The following SLC35F1 variants were observed in gnomAD, a reference collection of about 807,000 sequenced individuals.
The protein encoded by SLC35F1 is solute carrier family 35 member F1.
A neutral mutation model predicts 48.7 loss-of-function variants in SLC35F1; 14 were observed. That is an observed-to-expected ratio of 0.29 (90% confidence interval 0.19 to 0.45). The LOEUF is 0.45. Among genes scored for constraint, SLC35F1 ranks in the 20% least tolerant of loss-of-function variants. The pLI, the probability that SLC35F1 is intolerant of heterozygous loss-of-function variation, is 1.00. For missense variants in SLC35F1, 404 were observed against 500.0 expected (o/e 0.81, Z 1.83); for synonymous variants, 190 against 202.2 (o/e 0.94, Z 0.51).
intron 7 of SLC35F1, among the ~76,000 whole-genome samples, chr6:118,296,290 A>G: frequency 6.6e-6 from 1 of 152,326 alleles, no homozygotes; most frequent in Admixed American, 6.5e-5. Flanking sequence ...AAGTCTGCCC[A>G]TGCCTGGGCT....
At chr6:118,162,652 T>C (rs1774254159) in intron 2 of SLC35F1, among the ~76,000 whole-genome samples, 1 of 152,194 alleles carries the variant, frequency 6.6e-6, no homozygotes, top group Non-Finnish European at 1.5e-5. Flanking sequence ...AGCTATTCCC[T>C]CAGTCGCTTA....
chr6:118,307,195 C>T (rs1776321513), intron 7 of SLC35F1, among the ~76,000 whole-genome samples: 1 of 152,190 alleles, frequency 6.6e-6, no homozygotes, highest in African/African-American at 2.4e-5. Context: ...ATTTGGCATT[C>T]TGACTAAGGC....
intron 1 of SLC35F1, among the ~76,000 whole-genome samples, chr6:118,062,676 G>A (rs1036129915): frequency 2.6e-5 from 4 of 151,940 alleles, no homozygotes; most frequent in Non-Finnish European, 2.9e-5. Context: ...ATGAAAATAT[G>A]TGATTTTAAA....
At chr6:117,986,620 T>C (rs1225227399) in intron 1 of SLC35F1, among the ~76,000 whole-genome samples, 5 of 152,206 alleles carry the variant, frequency 3.3e-5, no homozygotes. Context: ...GAGGGCCCTT[T>C]GCCTCTGCCT....
intron 1 of SLC35F1, among the ~76,000 whole-genome samples, chr6:118,017,814 A>T (rs73768145): frequency 6.6e-6 from 1 of 152,168 alleles, no homozygotes; most frequent in African/African-American, 2.4e-5. Flanking sequence ...GCAAGTTGAT[A>T]TAAGATCAAA....
intron 4 of SLC35F1, among the ~76,000 whole-genome samples, chr6:118,271,964 C>T (rs535893186): frequency 6.6e-6 from 1 of 152,268 alleles, no homozygotes; most frequent in East Asian, 1.9e-4. Flanking sequence ...TTCAGGAAGA[C>T]TCTGTAGTTT....
At chr6:118,234,740 C>A (rs1425589931) in intron 2 of SLC35F1, among the ~76,000 whole-genome samples, 1 of 152,140 alleles carries the variant, frequency 6.6e-6, no homozygotes, top group Non-Finnish European at 1.5e-5. Context: ...CTATGAAGAC[C>A]CCACAGGTTG....
At chr6:118,036,535 G>A (rs1390943179) in intron 1 of SLC35F1, among the ~76,000 whole-genome samples, 1 of 152,118 alleles carries the variant, frequency 6.6e-6, no homozygotes, top group East Asian at 1.9e-4. Flanking sequence ...GGTTGATAGT[G>A]TTCTTCAGAA....
chr6:118,283,003 T>C (rs1256386695), intron 6 of SLC35F1, among the ~76,000 whole-genome samples: 2 of 152,222 alleles, frequency 1.3e-5, no homozygotes, highest in African/African-American at 2.4e-5. Flanking sequence ...TTTAGTCAGC[T>C]GCCGCAAACT....
intron 3 of SLC35F1, among the ~76,000 whole-genome samples, chr6:118,256,991 G>T (rs1022563343): frequency 2.0e-5 from 3 of 152,090 alleles, no homozygotes; most frequent in African/African-American, 7.2e-5. Flanking sequence ...CTAATACTAT[G>T]ATATGTAGAT....
At chr6:118,301,557 A>G (rs1289904245) in intron 7 of SLC35F1, among the ~76,000 whole-genome samples, 1 of 152,214 alleles carries the variant, frequency 6.6e-6, no homozygotes, top group African/African-American at 2.4e-5. Context: ...TAGAAAAAAT[A>G]AATTTTAATA....
At chr6:118,055,726 C>T (rs1335292253) in intron 1 of SLC35F1, among the ~76,000 whole-genome samples, 1 of 152,096 alleles carries the variant, frequency 6.6e-6, no homozygotes, top group Non-Finnish European at 1.5e-5. Flanking sequence ...CAGAACTGCC[C>T]CAGGAAAGGC....
intron 2 of SLC35F1, among the ~76,000 whole-genome samples, chr6:118,171,402 G>A (rs1219321409): frequency 6.6e-6 from 1 of 152,182 alleles, no homozygotes; most frequent in East Asian, 1.9e-4. Flanking sequence ...CATACAAATT[G>A]TTTCCAATTT....
chr6:117,953,819 C>T (rs970765757), intron 1 of SLC35F1, among the ~76,000 whole-genome samples: 2 of 152,064 alleles, frequency 1.3e-5, no homozygotes, highest in Non-Finnish European at 2.9e-5. Flanking sequence ...AGGTGGGTAA[C>T]CTGCCATTGT....
intron 1 of SLC35F1, among the ~76,000 whole-genome samples, chr6:118,054,531 A>C (rs1772436215): frequency 6.6e-6 from 1 of 152,120 alleles, no homozygotes; most frequent in African/African-American, 2.4e-5. Flanking sequence ...AAAGGACATC[A>C]TTTTCAGGGT....
At chr6:118,043,246 T>C (rs985486049) in intron 1 of SLC35F1, among the ~76,000 whole-genome samples, 2 of 152,306 alleles carry the variant, frequency 1.3e-5, no homozygotes, top group Non-Finnish European at 2.9e-5. Flanking sequence ...GATTCTGTTT[T>C]ACGAGTTGTT....
intron 7 of SLC35F1, among the ~76,000 whole-genome samples, chr6:118,297,639 A>T (rs796488803): frequency 0.46 from 55,325 of 120,690 alleles, 12,235 homozygotes; most frequent in Middle Eastern, 0.55. Flanking sequence ...TATATATATA[A>T]AAAATATATA....
intron 2 of SLC35F1, among the ~76,000 whole-genome samples, chr6:118,227,846 C>T (rs1210989149): frequency 1.3e-5 from 2 of 152,144 alleles, no homozygotes; most frequent in Admixed American, 6.6e-5. Flanking sequence ...TGAGTAGGAG[C>T]TTTAATGAGT....
At chr6:117,999,747 TA>T (rs1225705951) in intron 1 of SLC35F1, among the ~76,000 whole-genome samples, 1 of 150,934 alleles carries the variant, frequency 6.6e-6, no homozygotes, top group Non-Finnish European at 1.5e-5. Flanking sequence ...ATAGACACAA[TA>T]AAAAATGATA....
Sources: allele counts gnomAD v4.1 joint callset (sites outside exome capture counted in the v4.1 genomes callset), GRCh38; gene constraint gnomAD v4.1.1; transcripts MANE v1.5; gene names NCBI Gene and HGNC (gene_info 2026-07-23, HGNC 2026-07-21).